Variants in GAPVD1 observed in about 807,000 individuals in gnomAD.
GAPVD1 encodes the protein GTPase-activating protein and VPS9 domain-containing protein 1.
In GAPVD1, 35 loss-of-function variants were observed where a neutral mutation model predicts 155.5. The observed-to-expected ratio is 0.23, with a 90% CI of 0.17 to 0.30. GAPVD1 has a LOEUF of 0.30. Ranked by LOEUF, GAPVD1 falls within the 10% of genes least tolerant of loss-of-function variation. GAPVD1 has a pLI of 1.00. For synonymous variants in GAPVD1, 636 were observed against 619.7 expected (o/e 1.03, Z -0.39); for missense variants, 1,429 against 1,775.7 (o/e 0.80, Z 3.51).
At chr9:125,326,033 G>GAAAACAGC (rs1174643036) in intron 11 of GAPVD1, among the ~76,000 whole-genome samples, 8 of 152,154 alleles carry the variant, frequency 5.3e-5, no homozygotes, top group Non-Finnish European at 1.0e-4. Context: ...CTTATCAGAT[G>GAAAACAGC]AAAACAGCAT....
At chr9:125,326,219 T>A (rs1235262581) in intron 11 of GAPVD1, among the ~76,000 whole-genome samples, 197 bp from the exon 12 acceptor site, 2 of 152,118 alleles carry the variant, frequency 1.3e-5, no homozygotes, top group Non-Finnish European at 2.9e-5. Context: ...AATGCTAGAT[T>A]AAGAAGTGAA....
intron 23 of GAPVD1, among the ~76,000 whole-genome samples, chr9:125,353,279 CAA>C (rs1016716748): frequency 3.3e-5 from 5 of 152,200 alleles, no homozygotes; most frequent in Admixed American, 1.3e-4. Flanking sequence ...TAAAACATAA[CAA>C]GAGTCACCTT....
intron 2 of GAPVD1, among the ~76,000 whole-genome samples, chr9:125,293,719 T>A (rs1839069238): frequency 7.6e-6 from 1 of 132,110 alleles, no homozygotes; most frequent in East Asian, 2.1e-4. Context: ...ATTTTTATAT[T>A]TTATATAAAT....
At chr9:125,293,855 TA>T (rs1839190629) in intron 2 of GAPVD1, among the ~76,000 whole-genome samples, 21 of 4,224 alleles carry the variant, frequency 5.0e-3, no homozygotes, top group South Asian at 0.019. Context: ...ATATATTTTA[TA>T]TATATATATA....
chr9:125,354,664 C>G lies in GAPVD1; in HGVS notation c.3580C>G (p.Pro1194Ala), dbSNP rs200002811. 1 of 1,609,108 alleles carries G rather than the reference C, an allele frequency of 6.2e-7. No individual in the cohort carries two copies. Among genetic ancestry groups the G allele is most frequent in the Non-Finnish European group, 8.5e-7 (1 of 1,175,746 alleles). Residue 1194 changes from proline (P) to alanine (A), a missense_variant, in exon 24 of 28, where the codon CCA becomes GCA. Physicochemically the swap from Pro to Ala is conservative, Grantham distance 27 (BLOSUM62 -1). Around this residue, in one of 4 missense-constraint regions of GAPVD1, gnomAD observed 699 missense variants for 826.0 expected, o/e 0.85. Transcript: ENST00000297933. ...TATTTTTCCTTTTAGAAAAAGAGCC[C>G]CATATATTGCTTATCTCACTCGTTG... is the stretch of plus-strand genomic sequence containing the variant. ...SIAEDYRKRA[P>A]YIAYLTRCRQ...
At chr9:125,342,925 T>G (rs1848018503) in intron 19 of GAPVD1, among the ~76,000 whole-genome samples, 1 of 152,224 alleles carries the variant, frequency 6.6e-6, no homozygotes, top group Non-Finnish European at 1.5e-5. Flanking sequence ...GTTGGGTTTT[T>G]ACCTGATTAA....
intron 2 of GAPVD1, among the ~76,000 whole-genome samples, chr9:125,290,879 A>G (rs1377460389): frequency 1.3e-5 from 2 of 151,820 alleles, no homozygotes; most frequent in Non-Finnish European, 2.9e-5. Context: ...CTGTGGTCCC[A>G]GCCTCTGGAT....
chr9:125,327,246 C>T (rs942817992), intron 12 of GAPVD1, among the ~76,000 whole-genome samples: 41 of 151,792 alleles, frequency 2.7e-4, no homozygotes, highest in African/African-American at 7.3e-4. Context: ...CACTAAAATT[C>T]GCTCCTTTTT....
rs1842794764 is a variant in GAPVD1, at chr9:125,312,434, T to C, written c.1442-18T>C. 1 of 1,510,436 alleles carries C rather than the reference T, an allele frequency of 6.6e-7. No homozygotes were observed. The highest frequency in any genetic ancestry group is 8.9e-7 in the Non-Finnish European group (1 of 1,118,792). The allele number at this position is 1,510,436 out of a possible 1,614,324, so 93.6% of individuals were successfully genotyped here. A position where few individuals can be genotyped will look rare whatever the true frequency, so the allele number is the denominator to read the frequency against. ...TTGTCTATTTCTCTAAATTATTTTA[T>C]TTGAAATTTTTTATTAGCAACTCGG... is the stretch of plus-strand genomic sequence containing the variant. On this transcript the variant is annotated intron_variant, in intron 8 of 27. Transcript: ENST00000297933.
intron 2 of GAPVD1, among the ~76,000 whole-genome samples, chr9:125,284,964 G>C (rs1837405839): frequency 6.6e-6 from 1 of 152,188 alleles, no homozygotes; most frequent in African/African-American, 2.4e-5. Context: ...TCTTTATGTG[G>C]CGCATGACTG....
chr9:125,356,983 T>C (rs769025111), intron 25 of GAPVD1, among the ~76,000 whole-genome samples: 5 of 152,176 alleles, frequency 3.3e-5, no homozygotes, highest in Non-Finnish European at 7.3e-5. Context: ...CCTTGTTTAT[T>C]TTTTGTAGAG....
chr9:125,348,183 GT>G lies in GAPVD1; in HGVS notation c.3170-1206del. On this transcript the variant is annotated intron_variant, in intron 20 of 27. Coordinates refer to ENST00000297933, the MANE Select transcript of GAPVD1 (RefSeq NM_001282680.3). ...TGATCCTCCCATCTCAGCTTCCTGA[GT>G]AGCTGGGACCACAAGCACGTTCCAC... Among the ~76,000 whole-genome samples the G allele has an allele frequency of 2.6e-5, 4 of 152,180 alleles. No individual in the cohort carries two copies. In the East Asian group the frequency reaches 7.7e-4, roughly 29 times the overall value.
At chr9:125,264,741 T>C (rs1833552580) in intron 1 of GAPVD1, among the ~76,000 whole-genome samples, 1 of 150,796 alleles carries the variant, frequency 6.6e-6, no homozygotes, top group Non-Finnish European at 1.5e-5. Context: ...TTTTCTGAGA[T>C]GGAGTCTCAG....
At chr9:125,323,622 C>T (rs551110656) in intron 10 of GAPVD1, among the ~76,000 whole-genome samples, 176 bp from the exon 11 acceptor site, 1 of 152,202 alleles carries the variant, frequency 6.6e-6, no homozygotes, top group East Asian at 1.9e-4. Flanking sequence ...TTGTTATTAG[C>T]ACCTTAGGAT....
chr9:125,364,668 A>G lies in GAPVD1; in HGVS notation c.*1922A>G, dbSNP rs1372645304. 1 of 152,362 alleles carries G rather than the reference A, an allele frequency of 6.6e-6. No homozygotes were observed. The highest frequency in any genetic ancestry group is 1.5e-5 in the Non-Finnish European group (1 of 68,048). The allele number at this position is 152,362 out of a possible 1,614,324, so 9.4% of individuals were successfully genotyped here. A position where few individuals can be genotyped will look rare whatever the true frequency, so the allele number is the denominator to read the frequency against. On this transcript the variant is annotated 3_prime_UTR_variant, in exon 28 of 28. Coordinates refer to ENST00000297933, the MANE Select transcript of GAPVD1 (RefSeq NM_001282680.3). ...TCTAGAGAGAGATCAGAATTAAACTAGTACTATGAAATGTCCTTTTGAATG... is the reference window on the plus strand; with the variant it reads ...TCTAGAGAGAGATCAGAATTAAACTGGTACTATGAAATGTCCTTTTGAATG...
At chr9:125,290,619 C>A (rs574355273) in intron 2 of GAPVD1, among the ~76,000 whole-genome samples, 1 of 152,218 alleles carries the variant, frequency 6.6e-6, no homozygotes, top group African/African-American at 2.4e-5. Context: ...GAATTAGCTG[C>A]CTTGGAGAGT....
intron 2 of GAPVD1, among the ~76,000 whole-genome samples, chr9:125,290,033 T>C (rs1032449612): frequency 6.6e-6 from 1 of 152,154 alleles, no homozygotes; most frequent in African/African-American, 2.4e-5. Flanking sequence ...CAAATGCTTC[T>C]GTTAGGTCAG....
intron 6 of GAPVD1, among the ~76,000 whole-genome samples, chr9:125,306,084 T>A (rs1454249332): frequency 6.6e-6 from 1 of 152,224 alleles, no homozygotes; most frequent in African/African-American, 2.4e-5. Flanking sequence ...AATTCAAGGA[T>A]ATTTGAGTAA....
At chr9:125,361,376 AAAAAT>A (rs1423913129) in intron 27 of GAPVD1, among the ~76,000 whole-genome samples, 1 of 152,062 alleles carries the variant, frequency 6.6e-6, no homozygotes, top group Non-Finnish European at 1.5e-5. Flanking sequence ...CATCTCTACT[AAAAAT>A]ACAAAAATTA....
Sources: gnomAD v4.1 joint callset for allele counts (sites outside exome capture counted in the v4.1 genomes callset) on GRCh38, gnomAD v4.1.1 for gene constraint, gnomAD v4.1.1 regional missense constraint, MANE v1.5 for transcripts, NCBI Gene and HGNC (gene_info 2026-07-23, HGNC 2026-07-21) for gene names.